Variants in TSPAN4 observed in about 807,000 individuals in gnomAD.
TSPAN4 encodes the protein tetraspanin 4.
A neutral mutation model predicts 31.5 loss-of-function variants in TSPAN4; 38 were observed. The observed-to-expected ratio is 1.21, with a 90% CI of 0.93 to 1.58. The LOEUF is 1.58. Ranked by LOEUF, TSPAN4 falls within the 40% of genes most tolerant of loss-of-function variation. The pLI, the probability that TSPAN4 is intolerant of heterozygous loss-of-function variation, is 0.00. For synonymous variants in TSPAN4, 186 were observed against 144.6 expected (o/e 1.29, Z -2.06); for missense variants, 330 against 317.3 (o/e 1.04, Z -0.30).
In TSPAN4 at chr11:866,018, TG is replaced by T. The variant is rs1216666679; in HGVS notation, c.648+18del. On this transcript the variant is annotated intron_variant, in intron 8 of 8. Transcript: ENST00000397397. ...CTGGTGCAGGTATGGCCTGGGGGCC[TG>T]CGGGCTCCCTGCCCCCACTTTGTTA... 3 of 1,609,874 alleles carry T rather than the reference TG, an allele frequency of 1.9e-6. No homozygotes were observed. In the Admixed American group the frequency reaches 5.0e-5, roughly 27 times the overall value.
At chr11:864,699 C>G in intron 5 of TSPAN4, 188 bp downstream of exon 5, 1 of 694,778 alleles carries the variant, frequency 1.4e-6, no homozygotes, top group Non-Finnish European at 2.4e-6. Flanking sequence ...TGTGCTGTGG[C>G]TCTATAGCGA....
chr11:860,332 G>A (rs1303598950), intron 3 of TSPAN4, among the ~76,000 whole-genome samples: 1 of 152,218 alleles, frequency 6.6e-6, no homozygotes, highest in African/African-American at 2.4e-5. Flanking sequence ...CAGCCATGCT[G>A]GCCCTTGGGC....
At chr11:856,304 G>T (rs1163236088) in intron 3 of TSPAN4, among the ~76,000 whole-genome samples, 1 of 152,070 alleles carries the variant, frequency 6.6e-6, no homozygotes, top group Non-Finnish European at 1.5e-5. Flanking sequence ...TGAGCCTGGG[G>T]CCTGGTATGC....
rs374754035 is a variant in TSPAN4 at position 866,569 on chromosome 11, G to A, written c.656G>A (p.Gly219Asp). Reference protein sequence around the residue: ...GLCTALVQILGLTFAMTMYCQ... With the variant: ...GLCTALVQILDLTFAMTMYCQ... ...CTCCTCCCCTACCTACAGATCCTGGGCCTGACCTTCGCCATGACCATGTAC... is the reference window on the plus strand; with the variant it reads ...CTCCTCCCCTACCTACAGATCCTGGACCTGACCTTCGCCATGACCATGTAC... Residue 219 changes from glycine (G) to aspartate (D), a missense_variant, in exon 9 of 9, where the codon GGC (glycine) becomes GAC (aspartate). Gly to Asp is a moderately conservative substitution (Grantham distance 94). Transcript: ENST00000397397. 1 of 1,613,374 alleles carries A rather than the reference G, an allele frequency of 6.2e-7. No homozygotes were observed. The highest frequency in any genetic ancestry group is 1.3e-5 in the African/African-American group (1 of 75,050).
chr11:855,571 T>G (rs1847999656), intron 3 of TSPAN4, among the ~76,000 whole-genome samples: 1 of 152,138 alleles, frequency 6.6e-6, no homozygotes, highest in Admixed American at 6.5e-5. Flanking sequence ...CCTTGGTCAC[T>G]GGGTGGGGCT....
chr11:859,079 TGCACCCCGGCTCACAC>T (rs1195054044), intron 3 of TSPAN4, among the ~76,000 whole-genome samples: 1 of 76,304 alleles, frequency 1.3e-5, no homozygotes, highest in Non-Finnish European at 2.6e-5. Context: ...CCGGCACACA[TGCACCCCGGCTCACAC>T]GCACCCCCGG....
intron 8 of TSPAN4, 26 bp from the exon 9 acceptor site, chr11:866,536 G>T (rs1318653909): frequency 6.2e-7 from 1 of 1,609,236 alleles, no homozygotes; most frequent in Non-Finnish European, 8.5e-7. Context: ...GAGCTGCCAT[G>T]CCCAGTCCTC....
intron 3 of TSPAN4, among the ~76,000 whole-genome samples, chr11:853,033 C>T (rs1589768099): frequency 6.6e-6 from 1 of 151,672 alleles, no homozygotes; most frequent in Non-Finnish European, 1.5e-5. Flanking sequence ...GACTGGGGGG[C>T]TGTGCCCGTC....
chr11:862,397 G>A (rs559709402), intron 3 of TSPAN4, 153 bp from the exon 4 acceptor site: 35 of 662,746 alleles, frequency 5.3e-5, no homozygotes, highest in Non-Finnish European at 7.4e-5. Context: ...ACACCCCCCC[G>A]GGCTGCCGTG....
At chr11:858,745 C>T (rs1481549517) in intron 3 of TSPAN4, 1 of 160,400 alleles carries the variant, frequency 6.2e-6, no homozygotes, top group Non-Finnish European at 1.4e-5. Context: ...ATGCACCTGG[C>T]TCACATTCAC....
rs554486188 is a variant in TSPAN4 at position 845,513 on chromosome 11, T to G, written c.-117-1688T>G. Among the ~76,000 whole-genome samples, 333 of 152,264 alleles carry G rather than the reference T, an allele frequency of 2.2e-3. 3 individuals are homozygous for G. Among genetic ancestry groups the G allele is most frequent in the African/African-American group, 7.5e-3 (311 of 41,548 alleles). ...GGCTGGTGATATTTGGGAATGTCACTGCCTGCCATGCAGCTGCCCAGGCCT... is the reference window on the plus strand; with the variant it reads ...GGCTGGTGATATTTGGGAATGTCACGGCCTGCCATGCAGCTGCCCAGGCCT... On this transcript the variant is annotated intron_variant, in intron 1 of 8. Transcript: ENST00000397397.
intron 3 of TSPAN4, among the ~76,000 whole-genome samples, chr11:856,519 C>T (rs985973156): frequency 3.9e-5 from 6 of 152,332 alleles, no homozygotes; most frequent in South Asian, 4.1e-4. Context: ...TGTCATGGGG[C>T]GGGGTCAACC....
Position 865,848 on chromosome 11 carries a change from G to A in TSPAN4, c.564+23G>A, listed in dbSNP as rs776887781. Reference sequence around the variant, plus strand: ...GCGGTGAGTGAGACCCCCACCCTGGGGGCTGGTAGGGGCCTAGAGGGCGGG... The same window carrying A: ...GCGGTGAGTGAGACCCCCACCCTGGAGGCTGGTAGGGGCCTAGAGGGCGGG... On this transcript the variant is annotated intron_variant, in intron 7 of 8. Transcript: ENST00000397397. The A allele has an allele frequency of 1.9e-6, 3 of 1,612,420 alleles. No homozygotes were observed. The Admixed American group carries it at 5.0e-5, about 27-fold the overall frequency.
At chr11:864,215 C>T (rs1281467596) in intron 4 of TSPAN4, 1 of 609,556 alleles carries the variant, frequency 1.6e-6, no homozygotes, top group East Asian at 2.8e-5. Context: ...CAGGGCCCCA[C>T]ACTCAGGGGC....
intron 1 of TSPAN4, chr11:844,706 T>TC (rs1847198796): frequency 3.2e-5 from 1 of 31,074 alleles, no homozygotes; most frequent in Non-Finnish European, 7.7e-5. Context: ...GCCTGGCTTC[T>TC]GGGGGGGGGG....
At chr11:854,168 G>A (rs867944400) in intron 3 of TSPAN4, among the ~76,000 whole-genome samples, 12 of 152,342 alleles carry the variant, frequency 7.9e-5, no homozygotes, top group Middle Eastern at 3.4e-3. Context: ...GTGCCACCAC[G>A]AAGGGCTGTC....
intron 3 of TSPAN4, among the ~76,000 whole-genome samples, chr11:856,501 T>G (rs976710385): frequency 1.3e-5 from 2 of 152,182 alleles, no homozygotes; most frequent in Non-Finnish European, 2.9e-5. Flanking sequence ...AGGGTTCCTC[T>G]CCCCAGCTGT....
intron 2 of TSPAN4, 107 bp downstream of exon 2, chr11:847,407 C>G (rs1847377946): frequency 6.6e-6 from 1 of 152,158 alleles, no homozygotes; most frequent in Non-Finnish European, 1.5e-5. Context: ...CACTTTGACA[C>G]CACACCTGAG....
At chr11:854,582 G>A (rs1022050355) in intron 3 of TSPAN4, among the ~76,000 whole-genome samples, 4 of 152,208 alleles carry the variant, frequency 2.6e-5, no homozygotes, top group African/African-American at 7.2e-5. Flanking sequence ...GGAGGGGCAC[G>A]GGGGCTGTCC....
Sources: allele counts gnomAD v4.1 joint callset (sites outside exome capture counted in the v4.1 genomes callset), GRCh38; gene constraint gnomAD v4.1.1; transcripts MANE v1.5; gene names NCBI Gene and HGNC (gene_info 2026-07-23, HGNC 2026-07-21).